Variants in ZNF469 observed in about 807,000 individuals in gnomAD.
ZNF469 encodes zinc finger protein 469.
ZNF469 carries 1 observed loss-of-function variant against 1.0 expected under a neutral mutation model. The ratio of observed to expected loss-of-function variants is 1.00; its 90% CI spans 0.35 to 4.73. The LOEUF (loss-of-function observed/expected upper bound fraction) is 4.73, where lower values mean the gene tolerates loss of function less well. Among genes scored for constraint, ZNF469 ranks in the 30% most tolerant of loss-of-function variants. ZNF469 has a pLI of 0.16. For missense variants in ZNF469, 6,100 were observed against 5,356.3 expected, an observed-to-expected ratio of 1.14 and a Z score of -4.33; for synonymous variants, 2,703 against 2,363.4, an observed-to-expected ratio of 1.14 and a Z score of -4.17.
the ZNF469 span, among the ~76,000 whole-genome samples, chr16:88,239,748 G>T: frequency 1.9e-5 from 2 of 106,066 alleles, no homozygotes; most frequent in East Asian, 2.6e-4. Flanking sequence ...TTTTAGTAGA[G>T]ACAGGGTTTC....
chr16:88,431,296 G>A lies in ZNF469; in HGVS notation c.3826G>A (p.Gly1276Ser), dbSNP rs1318721991. The change falls in exon 3 of 3, where the codon GGC becomes AGC. Residue 1276 changes from glycine (G) to serine (S), a missense_variant. Gly to Ser is a moderately conservative substitution (Grantham distance 56, BLOSUM62 0). Transcript: ENST00000565624. Reference protein sequence around the residue: ...EQPPPSRHDTGTPKPSGSLAN... With the variant: ...EQPPPSRHDTSTPKPSGSLAN... ...GCCGCCGCCCAGCAGACATGACACC[G>A]GCACCCCCAAGCCGTCGGGAAGCCT... 4.5e-6 allele frequency: 7 copies of A among 1,549,996 alleles called. No individual in the cohort carries two copies. The highest frequency in any genetic ancestry group is 2.0e-5 in the Admixed American group (1 of 50,990).
the ZNF469 span, among the ~76,000 whole-genome samples, chr16:88,212,892 C>G: frequency 6.6e-6 from 1 of 152,156 alleles, no homozygotes; most frequent in Non-Finnish European, 1.5e-5. Flanking sequence ...CCTCTTGTTT[C>G]AGTTCCATCA....
At chr16:88,258,678 G>A in the ZNF469 span, among the ~76,000 whole-genome samples, 4 of 152,204 alleles carry the variant, frequency 2.6e-5, no homozygotes, top group East Asian at 3.8e-4. Flanking sequence ...TGAGGGTGAC[G>A]ATGATGGTGG....
chr16:88,230,343 G>A, the ZNF469 span, among the ~76,000 whole-genome samples: 3 of 152,176 alleles, frequency 2.0e-5, no homozygotes, highest in African/African-American at 7.2e-5. Context: ...CTGGGCCTGG[G>A]CCCCCAGAGG....
At chr16:88,163,175 C>CGGAT in the ZNF469 span, among the ~76,000 whole-genome samples, 4 of 25,214 alleles carry the variant, frequency 1.6e-4, no homozygotes, top group African/African-American at 5.9e-4. Context: ...GATGGGTAGA[C>CGGAT]GGATGGATGG....
chr16:88,345,240 G>A, the ZNF469 span, among the ~76,000 whole-genome samples: 1 of 152,052 alleles, frequency 6.6e-6, no homozygotes, highest in African/African-American at 2.4e-5. Context: ...CTGGCATGGC[G>A]CCATCCACGC....
chr16:88,228,044 C>T, the ZNF469 span, among the ~76,000 whole-genome samples: 2 of 152,240 alleles, frequency 1.3e-5, no homozygotes, highest in Non-Finnish European at 2.9e-5. Context: ...TCCTCCTTTT[C>T]TTATGGGGAC....
the ZNF469 span, among the ~76,000 whole-genome samples, chr16:88,221,415 C>G: frequency 2.0e-5 from 3 of 152,198 alleles, no homozygotes; most frequent in Non-Finnish European, 4.4e-5. Flanking sequence ...ACTATGGCCT[C>G]GCTCTTCACA....
In ZNF469 at chr16:88,399,210, T is replaced by A. The variant is rs550881527; in HGVS notation, c.-192+15956T>A. Among the ~76,000 whole-genome samples the A allele has an allele frequency of 5.3e-5, 8 of 152,354 alleles. No individual in the cohort carries two copies. The South Asian group carries it at 1.4e-3, about 28-fold the overall frequency. ...TGTTTGCCTGGCAGTCATCTGAGGC[T>A]GGGCCTGGGCCCCTCCCTCCCCTCT... On this transcript the variant is annotated intron_variant, in intron 1 of 2. Transcript: ENST00000565624.
chr16:88,336,477 C>CAG, the ZNF469 span, among the ~76,000 whole-genome samples: 2 of 148,308 alleles, frequency 1.3e-5, no homozygotes, highest in Non-Finnish European at 1.5e-5. Context: ...CAATACCACG[C>CAG]ACGTTCATCC....
the ZNF469 span, among the ~76,000 whole-genome samples, chr16:88,269,581 C>A: frequency 6.6e-6 from 1 of 152,206 alleles, no homozygotes; most frequent in Admixed American, 6.5e-5. Flanking sequence ...TGGGCCCCGC[C>A]TCCACCTGGG....
the ZNF469 span, among the ~76,000 whole-genome samples, chr16:88,283,987 AGT>A: frequency 1.9e-5 from 2 of 103,612 alleles, no homozygotes. Context: ...GTAGACCCCG[AGT>A]GTGCCCGAGG....
At chr16:88,263,834 A>C in the ZNF469 span, among the ~76,000 whole-genome samples, 1 of 151,888 alleles carries the variant, frequency 6.6e-6, no homozygotes, top group Non-Finnish European at 1.5e-5. Context: ...TGGGTCCCCC[A>C]CCTCCGAGAC....
At chr16:88,391,252 C>A (rs1322128762) in intron 1 of ZNF469, among the ~76,000 whole-genome samples, 6 of 152,242 alleles carry the variant, frequency 3.9e-5, no homozygotes, top group African/African-American at 1.4e-4. Flanking sequence ...GTCTGGGTGC[C>A]AGCACCCCGT....
upstream of ZNF469, among the ~76,000 whole-genome samples, chr16:88,380,542 A>C (rs62652233): frequency 0.52 from 55,042 of 105,568 alleles, 14,542 homozygotes; most frequent in African/African-American, 0.78. Context: ...CACACGCACT[A>C]ACACAGACAT....
At chr16:88,184,393 C>G in the ZNF469 span, among the ~76,000 whole-genome samples, 1 of 152,040 alleles carries the variant, frequency 6.6e-6, no homozygotes, top group Non-Finnish European at 1.5e-5. Context: ...TCTGCCACCT[C>G]CAAAGCCGCA....
In ZNF469 at chr16:88,436,740, A is replaced by G; in HGVS notation, c.9270A>G (p.Arg3090=). The change falls in exon 3 of 3, where the codon CGA becomes CGG. Residue 3090 remains arginine (R), a synonymous_variant. Coordinates refer to ENST00000565624, the MANE Select transcript of ZNF469 (RefSeq NM_001367624.2). The part of the protein sequence containing the change: ...GTASSQGPQS[R]RTEEAAGAGR... Reference sequence around the variant, plus strand: ...CGAGCTCACAGGGGCCACAGAGCCGAAGGACAGAGGAGGCTGCAGGGGCAG... The same window carrying G: ...CGAGCTCACAGGGGCCACAGAGCCGGAGGACAGAGGAGGCTGCAGGGGCAG... The G allele has an allele frequency of 4.5e-6, 7 of 1,548,542 alleles. No individual in the cohort carries two copies. The highest frequency in any genetic ancestry group is 6.1e-6 in the Non-Finnish European group (7 of 1,146,264).
chr16:88,270,652 A>T, the ZNF469 span, among the ~76,000 whole-genome samples: 107 of 152,332 alleles, frequency 7.0e-4, no homozygotes, highest in African/African-American at 2.5e-3. Context: ...CAAGTATCCA[A>T]AGCAATCATG....
At chr16:88,249,439 T>TTTC in the ZNF469 span, among the ~76,000 whole-genome samples, 3 of 63,038 alleles carry the variant, frequency 4.8e-5, no homozygotes, top group African/African-American at 1.2e-4. Flanking sequence ...CTTTTTTTTT[T>TTTC]TTTTTTTTTT....
Sources: allele counts gnomAD v4.1 joint callset (sites outside exome capture counted in the v4.1 genomes callset), GRCh38; gene constraint gnomAD v4.1.1; transcripts MANE v1.5; gene names NCBI Gene and HGNC (gene_info 2026-07-23, HGNC 2026-07-21).